STS: variants seen among roughly 807,000 people sequenced by gnomAD.
The protein encoded by STS is steroid sulfatase, also known as steryl-sulfatase.
Under a neutral mutation model 26.8 loss-of-function variants are expected in STS, and 7 were observed. The ratio of observed to expected loss-of-function variants is 0.26; its 90% CI spans 0.15 to 0.49. The LOEUF (loss-of-function observed/expected upper bound fraction) is 0.49, where lower values mean the gene tolerates loss of function less well. Among genes scored for constraint, STS ranks in the 20% least tolerant of loss-of-function variants. The probability of loss-of-function intolerance (pLI) is 0.98; values close to 1 mark genes in which losing one functional copy is unlikely to be tolerated. For synonymous variants in STS, 199 were observed against 189.4 expected, an observed-to-expected ratio of 1.05 and a Z score of -0.42; for missense variants, 434 against 465.6, an observed-to-expected ratio of 0.93 and a Z score of 0.63.
rs764966886 is a variant in STS at position 7,330,853 on chromosome X, GATA to G, written c.1242-3128_1242-3126del. 2.3e-3 allele frequency among the ~76,000 whole-genome samples: 255 copies of G among 112,279 alleles called. 3 individuals carry two copies. Among genetic ancestry groups the G allele is most frequent in the African/African-American group, 7.8e-3 (243 of 30,994 alleles). On this transcript the variant is annotated intron_variant, in intron 9 of 10. Coordinates refer to ENST00000674429, the MANE Select transcript of STS (RefSeq NM_001320752.2). ...ATGGAAACATATTTTTCTGAATTGT[GATA>G]ATAACTTTCTGAATACTTAAGATTC...
chrX:7,259,767 A>G lies in STS; in HGVS notation c.801A>G (p.Ile267Met). Residue 267 changes from isoleucine to methionine, a missense_variant, in exon 6 of 11, where the codon ATA (isoleucine) becomes ATG (methionine). Ile to Met is a conservative substitution (Grantham distance 10). Coordinates refer to ENST00000674429, the MANE Select transcript of STS (RefSeq NM_001320752.2). ...TAACGGTGGAGGCGGCCCAGTTCAT[A>G]CAGCGGTGGGTATTGCCTTGTCCTC... ...QRLTVEAAQF[I>M]QRNTETPFLL... 1 of 1,210,199 alleles carries G rather than the reference A, an allele frequency of 8.3e-7. No homozygotes were observed. The highest frequency in any genetic ancestry group is 1.1e-6 in the Non-Finnish European group (1 of 895,292).
chrX:7,165,391 A>G (rs1293472111), intron 1 of STS, among the ~76,000 whole-genome samples: 2 of 111,108 alleles, frequency 1.8e-5, no homozygotes, highest in Non-Finnish European at 3.8e-5. Flanking sequence ...GCTCACATCT[A>G]TAGTCACAAT....
At chrX:7,148,153 T>TGC (rs1932923444) in intron 1 of STS, 70 bp downstream of exon 1, 1 of 991,231 alleles carries the variant, frequency 1.0e-6, no homozygotes, top group Non-Finnish European at 1.4e-6. Flanking sequence ...GAGGAGGAAG[T>TGC]GCGCGCGCAC....
intron 2 of STS, among the ~76,000 whole-genome samples, chrX:7,231,912 C>T (rs1922079811): frequency 9.3e-6 from 1 of 107,596 alleles, no homozygotes; most frequent in Non-Finnish European, 1.9e-5. Context: ...CGCAGATAGT[C>T]GCCACTCACC....
At position 7,303,122 on chromosome X, in the gene STS, G is replaced by A. The variant is rs1926048878; in HGVS notation, c.944-1924G>A. Among the ~76,000 whole-genome samples, 3 of 111,071 alleles carry A rather than the reference G, an allele frequency of 2.7e-5. No homozygotes were observed. In the Admixed American group the frequency reaches 2.9e-4, roughly 11 times the overall value. On this transcript the variant is annotated intron_variant, in intron 7 of 10. Transcript: ENST00000674429. Reference sequence around the variant, plus strand: ...GGGAGGGACCCGGTGGGAGATAATGGAATCATGGGGGAGATTTTCCCCCAT... The same window carrying A: ...GGGAGGGACCCGGTGGGAGATAATGAAATCATGGGGGAGATTTTCCCCCAT...
intron 2 of STS, among the ~76,000 whole-genome samples, chrX:7,240,577 A>C (rs1213517343): frequency 1.0e-5 from 1 of 96,907 alleles, no homozygotes; most frequent in Admixed American, 1.1e-4. Flanking sequence ...CTATGATGGC[A>C]TCTTGGTGTG....
intron 1 of STS, among the ~76,000 whole-genome samples, chrX:7,164,855 A>AAC (rs1242169637): frequency 3.4e-5 from 2 of 58,206 alleles, no homozygotes; most frequent in East Asian, 5.4e-4. Context: ...AAAAAAAAAA[A>AAC]ACACACACAC....
At position 7,278,524 on chromosome X, in the gene STS, A is replaced by G. The variant is rs190269723; in HGVS notation, c.943+2437A>G. Among the ~76,000 whole-genome samples, 256 of 112,218 alleles carry G rather than the reference A, an allele frequency of 2.3e-3. 1 individual carries two copies. The highest frequency in any genetic ancestry group is 4.0e-3 in the Non-Finnish European group (214 of 53,249). On this transcript the variant is annotated intron_variant, in intron 7 of 10. Transcript: ENST00000674429. ...CCTGGAAAGGCATATTCAGTGACCAAGAACCTTTATTATGTAACTGTACAC... is the reference window on the plus strand; with the variant it reads ...CCTGGAAAGGCATATTCAGTGACCAGGAACCTTTATTATGTAACTGTACAC...
chrX:7,185,850 T>G (rs1933762920), intron 1 of STS, among the ~76,000 whole-genome samples: 1 of 112,406 alleles, frequency 8.9e-6, no homozygotes, highest in Non-Finnish European at 1.9e-5. Context: ...TTTCCATCAT[T>G]GTGGATGTTG....
intron 1 of STS, among the ~76,000 whole-genome samples, chrX:7,152,530 GC>G (rs1398494773): frequency 9.0e-6 from 1 of 111,629 alleles, no homozygotes; most frequent in Non-Finnish European, 1.9e-5. Flanking sequence ...TGTTGGCCAG[GC>G]TAGTCTCAAA....
At chrX:7,269,889 T>G (rs1387401562) in intron 6 of STS, among the ~76,000 whole-genome samples, 1 of 111,802 alleles carries the variant, frequency 8.9e-6, no homozygotes, top group East Asian at 2.8e-4. Context: ...CCCACTGTAG[T>G]TGGAACAATA....
At chrX:7,298,004 G>T (rs1219769865) in intron 7 of STS, among the ~76,000 whole-genome samples, 1 of 111,394 alleles carries the variant, frequency 9.0e-6, no homozygotes, top group Non-Finnish European at 1.9e-5. Flanking sequence ...TTGAATCCCA[G>T]ATGACCTTTT....
chrX:7,279,339 A>ATGTGTGTGTGTGTGTGTGTG (rs1199607828), intron 7 of STS, among the ~76,000 whole-genome samples: 1 of 42,304 alleles, frequency 2.4e-5, no homozygotes, highest in African/African-American at 8.2e-5. Context: ...GTGTGTGTGT[A>ATGTGTGTGTGTGTGTGTGTG]TGTGTGTGTG....
chrX:7,308,343 T>C (rs1926314900), intron 8 of STS, among the ~76,000 whole-genome samples: 1 of 111,750 alleles, frequency 8.9e-6, no homozygotes, highest in African/African-American at 3.3e-5. Flanking sequence ...CTAGAAGTGG[T>C]TGGAGAGTAA....
chrX:7,158,596 A>G (rs987841531), intron 1 of STS, among the ~76,000 whole-genome samples: 12 of 111,382 alleles, frequency 1.1e-4, no homozygotes, highest in Non-Finnish European at 2.3e-4. Context: ...AGGTGGAGGG[A>G]TCAGTAACCA....
chrX:7,340,256 G>A (rs1320388475), intron 10 of STS, among the ~76,000 whole-genome samples: 8 of 110,691 alleles, frequency 7.2e-5, no homozygotes, highest in African/African-American at 2.6e-4. Context: ...CTTCAACACG[G>A]GGTGTCTCTC....
intron 1 of STS, among the ~76,000 whole-genome samples, chrX:7,150,036 C>T (rs1361630906): frequency 3.6e-5 from 4 of 111,594 alleles, no homozygotes; most frequent in African/African-American, 1.3e-4. Flanking sequence ...ACACACATAG[C>T]TGTGGTACCT....
At chrX:7,151,026 A>G (rs1933002067) in intron 1 of STS, among the ~76,000 whole-genome samples, 1 of 112,667 alleles carries the variant, frequency 8.9e-6, no homozygotes, top group Non-Finnish European at 1.9e-5. Flanking sequence ...AGTAAACTAC[A>G]GTACGATGGC....
intron 3 of STS, among the ~76,000 whole-genome samples, chrX:7,254,142 G>T (rs1192582301): frequency 9.0e-6 from 1 of 111,252 alleles, no homozygotes; most frequent in South Asian, 3.7e-4. Flanking sequence ...ATCTGAATCT[G>T]GGGGGGACAC....
Sources: allele counts gnomAD v4.1 joint callset (sites outside exome capture counted in the v4.1 genomes callset), GRCh38; gene constraint gnomAD v4.1.1; transcripts MANE v1.5; gene names NCBI Gene and HGNC (gene_info 2026-07-23, HGNC 2026-07-21).